Variants in RPS6KA4 observed in about 807,000 individuals in gnomAD.
RPS6KA4 encodes ribosomal protein S6 kinase alpha-4.
Under a neutral mutation model 89.6 loss-of-function variants are expected in RPS6KA4, and 38 were observed. The observed-to-expected ratio is 0.42, with a 90% confidence interval of 0.33 to 0.56. The LOEUF is 0.56. Among genes scored for constraint, RPS6KA4 ranks in the 20% least tolerant of loss-of-function variants. The pLI, the probability that RPS6KA4 is intolerant of heterozygous loss-of-function variation, is 0.07. For synonymous variants in RPS6KA4, 495 were observed against 492.8 expected (o/e 1.00, Z -0.06); for missense variants, 873 against 1,098.8 (o/e 0.79, Z 2.90).
rs1415976804 is a variant in RPS6KA4, at chr11:64,369,752, C to T, written c.1656C>T (p.Phe552=). The change falls in exon 14 of 17, where the codon TTC becomes TTT. Residue 552 remains phenylalanine (F), a synonymous_variant. Coordinates refer to ENST00000334205, the MANE Select transcript of RPS6KA4 (RefSeq NM_003942.3). ...TPGAPVKIID[F]GFARLRPQSP... ...GGGCCCCGGTGAAAATCATCGACTTCGGGTTCGCGCGGTTGCGGCCGCAGA... is the reference window on the plus strand; with the variant it reads ...GGGCCCCGGTGAAAATCATCGACTTTGGGTTCGCGCGGTTGCGGCCGCAGA... The T allele has an allele frequency of 3.1e-6, 5 of 1,611,478 alleles. No homozygotes were observed. The South Asian group carries it at 3.3e-5, about 11-fold the overall frequency.
intron 8 of RPS6KA4, among the ~76,000 whole-genome samples, chr11:64,362,859 C>T (rs1034197478): frequency 3.9e-5 from 6 of 152,068 alleles, no homozygotes; most frequent in East Asian, 1.9e-4. Context: ...TTAGTAGAAA[C>T]GGGGTTTCAC....
chr11:64,362,016 A>G lies in RPS6KA4; in HGVS notation c.906+14A>G. 1 of 1,605,216 alleles carries G rather than the reference A, an allele frequency of 6.2e-7. No individual in the cohort carries two copies. Among genetic ancestry groups the G allele is most frequent in the Non-Finnish European group, 8.5e-7 (1 of 1,177,258 alleles). ...CCCTTCTTCCAGGTGAGGCTGACTC[A>G]GGGCCCCATACCTCCTGGTGCATAC... On this transcript the variant is annotated intron_variant, in intron 8 of 16. Coordinates refer to ENST00000334205, the MANE Select transcript of RPS6KA4 (RefSeq NM_003942.3).
rs1591314502 is a variant in RPS6KA4 at position 64,365,444 on chromosome 11, T to C, written c.1050T>C (p.Pro350=). The part of the protein sequence containing the change: ...PVYSPPGSPP[P]GDPRIFQGYS... ...ACTCACCCCCTGGCAGCCCCCCACC[T>C]GGGGACCCCCGAATCTTTCAGGTGA... The change falls in exon 9 of 17, where the codon CCT becomes CCC. Residue 350 remains proline, a synonymous_variant. Transcript: ENST00000334205. 6.2e-7 allele frequency: 1 copy of C among 1,613,874 alleles called. No homozygotes were observed. The highest frequency in any genetic ancestry group is 8.5e-7 in the Non-Finnish European group (1 of 1,179,984).
In RPS6KA4 at chr11:64,359,329, C is replaced by T. The variant is rs763811439; in HGVS notation, c.55+39C>T. On this transcript the variant is annotated intron_variant, in intron 1 of 16. Transcript: ENST00000334205. Reference sequence around the variant, plus strand: ...CTGACTGCGGCTGCCCGGGGCAGGCCGGGACGGGTCATGGACCGGCTGGGC... The same window carrying T: ...CTGACTGCGGCTGCCCGGGGCAGGCTGGGACGGGTCATGGACCGGCTGGGC... 2.0e-5 allele frequency: 32 copies of T among 1,607,650 alleles called. No individual in the cohort carries two copies. The East Asian group carries it at 4.7e-4, about 24-fold the overall frequency.
intron 8 of RPS6KA4, 105 bp downstream of exon 8, chr11:64,362,107 C>A (rs2036769800): frequency 1.5e-6 from 2 of 1,371,752 alleles, no homozygotes; most frequent in Non-Finnish European, 2.0e-6. Flanking sequence ...TGGAAATCCC[C>A]CCAGAGAAAG....
At chr11:64,369,378 C>T (rs1183770687) in intron 12 of RPS6KA4, 68 bp from the exon 13 acceptor site, 2 of 1,475,978 alleles carry the variant, frequency 1.4e-6, no homozygotes, top group Admixed American at 2.1e-5. Flanking sequence ...GGGGGCGGGG[C>T]CTGGGTGGTG....
Position 64,370,558 on chromosome 11 carries a change from T to C in RPS6KA4, c.1958-5T>C. The stretch of plus-strand genomic sequence containing the variant: ...CCTCCCCACACTTCCTTGCCCCGCC[T>C]CCAGGGCTCCTGACCGTGGACCCCG... On this transcript the variant is annotated splice_polypyrimidine_tract_variant and splice_region_variant and intron_variant, in intron 15 of 16. Transcript: ENST00000334205. The surrounding 1 kb of genome is among the most constrained non-coding windows in gnomAD (Gnocchi z 4.1). The C allele has an allele frequency of 6.3e-7, 1 of 1,592,830 alleles. No homozygotes were observed.
Position 64,361,293 on chromosome 11 carries a change from C to A in RPS6KA4, c.570+52C>A. On this transcript the variant is annotated intron_variant, in intron 5 of 16. Coordinates refer to ENST00000334205, the MANE Select transcript of RPS6KA4 (RefSeq NM_003942.3). This position sits in a 1 kb window ranked among gnomAD's most constrained non-coding sequence, Gnocchi z 4.7. ...GTGCCCCATTCAATCCTTCTCCTTCCTGCCTCTTCCTGCTCTGGGCCTGCA... is the reference window on the plus strand; with the variant it reads ...GTGCCCCATTCAATCCTTCTCCTTCATGCCTCTTCCTGCTCTGGGCCTGCA... 1 of 1,527,128 alleles carries A rather than the reference C, an allele frequency of 6.5e-7. No individual in the cohort carries two copies. The highest frequency in any genetic ancestry group is 9.0e-7 in the Non-Finnish European group (1 of 1,105,710). The allele number at this position is 1,527,128 out of a possible 1,614,324, so 94.6% of individuals were successfully genotyped here. A position where few individuals can be genotyped will look rare whatever the true frequency, so the allele number is the denominator to read the frequency against.
At chr11:64,368,641 AGC>A in intron 11 of RPS6KA4, 40 bp downstream of exon 11, 1 of 1,577,076 alleles carries the variant, frequency 6.3e-7, no homozygotes, top group Non-Finnish European at 8.6e-7. Context: ...GGGGTGGCAG[AGC>A]GCTGTCCCGG....
At chr11:64,360,909 C>T (rs1195245991) in intron 4 of RPS6KA4, 3 of 572,036 alleles carry the variant, frequency 5.2e-6, no homozygotes, top group Non-Finnish European at 9.3e-6. Context: ...GCTCTTCACA[C>T]AGACTTTCCT....
chr11:64,366,195 G>A (rs1486624764), intron 9 of RPS6KA4, among the ~76,000 whole-genome samples: 2 of 144,592 alleles, frequency 1.4e-5, no homozygotes, highest in Non-Finnish European at 3.0e-5. Flanking sequence ...TTTTTGAGAC[G>A]GAGTCTCACT....
At chr11:64,369,405 C>G (rs11606015) in intron 12 of RPS6KA4, 41 bp from the exon 13 acceptor site, 550,483 of 1,519,078 alleles carry the variant, frequency 0.36, 104,036 homozygotes, top group Non-Finnish European at 0.38. Flanking sequence ...GGCTTGCCGC[C>G]GTGGGTGGGT....
intron 2 of RPS6KA4, chr11:64,359,715 CT>C (rs992330961): frequency 2.5e-5 from 14 of 562,530 alleles, no homozygotes; most frequent in African/African-American, 7.6e-5. Flanking sequence ...ACTGGCGCCC[CT>C]CTCAAGTGAT....
chr11:64,364,568 G>A (rs2036831493), intron 8 of RPS6KA4, among the ~76,000 whole-genome samples: 1 of 152,106 alleles, frequency 6.6e-6, no homozygotes, highest in African/African-American at 2.4e-5. Flanking sequence ...AGGGAAAGTG[G>A]TCTGACTTAA....
chr11:64,367,378 T>C (rs1420947895), intron 9 of RPS6KA4, among the ~76,000 whole-genome samples: 2 of 152,212 alleles, frequency 1.3e-5, no homozygotes, highest in Non-Finnish European at 2.9e-5. Context: ...TGGCATGATA[T>C]CGGCTCACCG....
In RPS6KA4 at chr11:64,360,605, C is replaced by T; in HGVS notation, c.462+13C>T. 1.3e-6 allele frequency: 2 copies of T among 1,583,014 alleles called. No individual in the cohort carries two copies. The highest frequency in any genetic ancestry group is 1.7e-6 in the Non-Finnish European group (2 of 1,163,124). On this transcript the variant is annotated intron_variant, in intron 4 of 16. Coordinates refer to ENST00000334205, the MANE Select transcript of RPS6KA4 (RefSeq NM_003942.3). ...ACACCTGCACAAGGTGGGTGAAGAC[C>T]TGGCCGCAGGCTGTTGCTATGGAAA...
intron 2 of RPS6KA4, 134 bp downstream of exon 2, chr11:64,359,583 C>CCGCCCTGCCT: frequency 1.1e-6 from 1 of 910,022 alleles, no homozygotes; most frequent in Non-Finnish European, 1.7e-6. Context: ...CTTGCCTGCC[C>CCGCCCTGCCT]CGCCCTGCCT....
Position 64,370,276 on chromosome 11 carries a change from G to A in RPS6KA4, c.1849G>A (p.Gly617Arg), listed in dbSNP as rs201085797. ...VPFQGASGQG[G>R]QSQAAEIMCK... ...CTTCCAGGGGGCCTCTGGCCAGGGC[G>A]GGCAGAGCCAGGCGGCCGAGATCAT... is the stretch of plus-strand genomic sequence containing the variant. The change falls in exon 15 of 17, where the codon GGG (glycine) becomes AGG (arginine). Residue 617 changes from glycine to arginine, a missense_variant. Transcript: ENST00000334205. The surrounding 1 kb of genome is among the most constrained non-coding windows in gnomAD (Gnocchi z 4.1). The A allele has an allele frequency of 1.1e-5, 18 of 1,587,768 alleles. No individual in the cohort carries two copies. The highest frequency in any genetic ancestry group is 2.3e-5 in the South Asian group (2 of 87,462).
chr11:64,368,017 C>T (rs2036929758), intron 9 of RPS6KA4, 115 bp from the exon 10 acceptor site: 1 of 1,069,828 alleles, frequency 9.3e-7, no homozygotes, highest in East Asian at 2.4e-5. Context: ...ACTGGAACAC[C>T]CCCCACTGCC....
Sources: allele counts gnomAD v4.1 joint callset (sites outside exome capture counted in the v4.1 genomes callset), GRCh38; gene constraint gnomAD v4.1.1; non-coding constraint Gnocchi (gnomAD v3.1); transcripts MANE v1.5; gene names NCBI Gene and HGNC (gene_info 2026-07-23, HGNC 2026-07-21).